Variants in C3orf85 observed in about 807,000 individuals in gnomAD.
C3orf85 encodes the protein uncharacterized protein C3orf85.
In C3orf85, 1 loss-of-function variant was observed where a neutral mutation model predicts 1.7. The observed-to-expected ratio is 0.60, with a 90% CI of 0.21 to 2.86. C3orf85 has a LOEUF of 2.86. Among genes scored for constraint, C3orf85 ranks in the 30% most tolerant of loss-of-function variants. The pLI is 0.22. For synonymous variants in C3orf85, 17 were observed against 8.0 expected, an observed-to-expected ratio of 2.13 and a Z score of -1.90; for missense variants, 29 against 21.3, an observed-to-expected ratio of 1.36 and a Z score of -0.72.
intron 2 of C3orf85, among the ~76,000 whole-genome samples, chr3:109,140,401 A>G (rs542293702): frequency 3.2e-4 from 49 of 152,318 alleles, no homozygotes; most frequent in African/African-American, 7.9e-4. Flanking sequence ...AGGAACAGGA[A>G]GGGCCAGGCC....
rs1359245592 is a variant in C3orf85 at position 109,137,668 on chromosome 3, T to TATAA, written c.49+773_49+774insTAAA. 6.3e-5 allele frequency among the ~76,000 whole-genome samples: 9 copies of TATAA among 142,042 alleles called. No homozygotes were observed. The South Asian group carries it at 1.1e-3, about 17-fold the overall frequency. The allele number at this position is 142,042 out of a possible 152,430, so 93.2% of individuals were successfully genotyped here. ...ATATATATATATATATATATATATA[T>TATAA]AAAATAAGCCTTCAATTCCTAAACA... On this transcript the variant is annotated intron_variant, in intron 2 of 3. Coordinates refer to ENST00000622536, the MANE Select transcript of C3orf85 (RefSeq NM_001351622.2).
At chr3:109,139,913 G>T (rs1706725474) in intron 2 of C3orf85, among the ~76,000 whole-genome samples, 1 of 152,066 alleles carries the variant, frequency 6.6e-6, no homozygotes, top group Non-Finnish European at 1.5e-5. Flanking sequence ...GATTTGCTTT[G>T]TTTTTTGACA....
At chr3:109,149,192 C>A (rs1007162417) in intron 3 of C3orf85, 17 of 151,990 alleles carry the variant, frequency 1.1e-4, no homozygotes, top group African/African-American at 3.9e-4. Flanking sequence ...TTCTTTCTTT[C>A]TTTCCACATA....
Position 109,148,332 on chromosome 3 carries a change from T to G in C3orf85, c.129T>G (p.Asp43Glu), listed in dbSNP as rs749905714. ...LRLKRHVNLQDYWDPDHSSDV... is the reference protein window; with the variant it reads ...LRLKRHVNLQEYWDPDHSSDV... ...TCAAAAGACATGTAAATTTGCAGGA[T>G]TACTGGGACCCAGATCACAGTTCAG... The change falls in exon 3 of 4, where the codon GAT becomes GAG. Residue 43 changes from aspartate to glutamate, a missense_variant. Asp to Glu is a conservative substitution (Grantham distance 45, BLOSUM62 2). Transcript: ENST00000622536. 1 of 702,644 alleles carries G rather than the reference T, an allele frequency of 1.4e-6. No homozygotes were observed. The highest frequency in any genetic ancestry group is 2.7e-5 in the East Asian group (1 of 37,300). 43.5% of individuals were successfully genotyped at this position (702,644 alleles called of 1,614,324 possible).
chr3:109,146,070 T>A (rs1014123412), intron 2 of C3orf85, among the ~76,000 whole-genome samples: 2 of 152,214 alleles, frequency 1.3e-5, no homozygotes, highest in Admixed American at 1.3e-4. Flanking sequence ...AAATATGTCT[T>A]CTTCTAATTA....
chr3:109,148,153 C>G, intron 2 of C3orf85, 100 bp from the exon 3 acceptor site: 1 of 615,938 alleles, frequency 1.6e-6, no homozygotes, highest in Admixed American at 2.8e-5. Context: ...CCTCAGGCCC[C>G]CAGCCTACCA....
chr3:109,146,109 C>A (rs1576775170), intron 2 of C3orf85, among the ~76,000 whole-genome samples: 1 of 152,212 alleles, frequency 6.6e-6, no homozygotes, highest in African/African-American at 2.4e-5. Flanking sequence ...AATGTGAATT[C>A]TTTAATGGTA....
chr3:109,140,052 A>G (rs1706728407), intron 2 of C3orf85, among the ~76,000 whole-genome samples: 1 of 152,156 alleles, frequency 6.6e-6, no homozygotes, highest in Non-Finnish European at 1.5e-5. Flanking sequence ...CCAATTCCTT[A>G]GAGATTCTGT....
At chr3:109,141,953 C>T (rs1706747108) in intron 2 of C3orf85, among the ~76,000 whole-genome samples, 1 of 152,158 alleles carries the variant, frequency 6.6e-6, no homozygotes, top group African/African-American at 2.4e-5. Flanking sequence ...CACTTCAACC[C>T]CAGAGGCAGA....
chr3:109,138,303 A>G (rs1706703044), intron 2 of C3orf85, among the ~76,000 whole-genome samples: 1 of 152,218 alleles, frequency 6.6e-6, no homozygotes, highest in Non-Finnish European at 1.5e-5. Flanking sequence ...CTGCTGGATT[A>G]GCCCTTCAGA....
chr3:109,147,642 A>C (rs747742975), intron 2 of C3orf85, among the ~76,000 whole-genome samples: 8 of 152,086 alleles, frequency 5.3e-5, no homozygotes, highest in Non-Finnish European at 1.2e-4. Flanking sequence ...TTAATCCTGG[A>C]GTAGGAAGGA....
At position 109,149,987 on chromosome 3, in the gene C3orf85, A is replaced by G. The variant is rs1299859786; in HGVS notation, c.*93A>G. The stretch of plus-strand genomic sequence containing the variant: ...ATGGGTTTTAGAGATCTGAGGGTAT[A>G]TCCATGCTGTTTACTACATTATTTA... On this transcript the variant is annotated 3_prime_UTR_variant, in exon 4 of 4. Transcript: ENST00000622536. 2.5e-6 allele frequency: 1 copy of G among 394,352 alleles called. No homozygotes were observed. The highest frequency in any genetic ancestry group is 4.5e-6 in the Non-Finnish European group (1 of 223,248). 24.4% of individuals were successfully genotyped at this position (394,352 alleles called of 1,614,324 possible).
chr3:109,142,028 CAA>C (rs367949639), intron 2 of C3orf85, among the ~76,000 whole-genome samples: 74 of 146,060 alleles, frequency 5.1e-4, no homozygotes, highest in African/African-American at 1.8e-3. Context: ...GACTACATCT[CAA>C]AAAAAAAAAT....
At chr3:109,148,409 G>A (rs896227177) in intron 3 of C3orf85, 23 bp downstream of exon 3, 37 of 702,222 alleles carry the variant, frequency 5.3e-5, no homozygotes, top group Non-Finnish European at 7.5e-5. Flanking sequence ...GAAACAAATG[G>A]TCCTTCACCA....
chr3:109,146,663 G>A lies in C3orf85; in HGVS notation c.50-1590G>A, dbSNP rs138335498. ...CTCAGGGCTGCTTGAGCGCCCTCAC[G>A]ACATGGCAGCTGACTTTTCTTAGAG... is the stretch of plus-strand genomic sequence containing the variant. On this transcript the variant is annotated intron_variant, in intron 2 of 3. Coordinates refer to ENST00000622536, the MANE Select transcript of C3orf85 (RefSeq NM_001351622.2). 2.0e-3 allele frequency among the ~76,000 whole-genome samples: 302 copies of A among 152,244 alleles called. 7 individuals are homozygous for A. The highest frequency in any genetic ancestry group is 0.013 in the Admixed American group (200 of 15,292).
At chr3:109,141,484 A>T (rs1403968170) in intron 2 of C3orf85, among the ~76,000 whole-genome samples, 2 of 149,156 alleles carry the variant, frequency 1.3e-5, no homozygotes, top group African/African-American at 2.5e-5. Context: ...TTTTTTCTTG[A>T]TTTCTCTCTC....
At chr3:109,142,215 C>G (rs1209516809) in intron 2 of C3orf85, among the ~76,000 whole-genome samples, 1 of 152,130 alleles carries the variant, frequency 6.6e-6, no homozygotes, top group Non-Finnish European at 1.5e-5. Flanking sequence ...TACTTTACTC[C>G]TAGTGACCAT....
At chr3:109,148,701 G>C in intron 3 of C3orf85, 2 of 295,962 alleles carry the variant, frequency 6.8e-6, no homozygotes, top group South Asian at 8.1e-5. Flanking sequence ...GGAATTACTT[G>C]TTTTGTGTAC....
At chr3:109,138,171 C>G (rs377751658) in intron 2 of C3orf85, among the ~76,000 whole-genome samples, 1 of 152,210 alleles carries the variant, frequency 6.6e-6, no homozygotes, top group African/African-American at 2.4e-5. Context: ...ACAAATATGT[C>G]TACCTATAAA....
Sources: allele counts gnomAD v4.1 joint callset (sites outside exome capture counted in the v4.1 genomes callset), GRCh38; gene constraint gnomAD v4.1.1; transcripts MANE v1.5; gene names NCBI Gene and HGNC (gene_info 2026-07-23, HGNC 2026-07-21).